Variants in SRP54 observed in about 807,000 individuals in gnomAD.
SRP54 encodes signal recognition particle subunit SRP54.
SRP54 carries 10 observed loss-of-function variants against 64.8 expected under a neutral mutation model. The observed-to-expected ratio is 0.15, with a 90% CI of 0.10 to 0.26. The LOEUF (loss-of-function observed/expected upper bound fraction) is 0.26, where lower values mean the gene tolerates loss of function less well. Among genes scored for constraint, SRP54 ranks in the 10% least tolerant of loss-of-function variants. The probability of loss-of-function intolerance (pLI) is 1.00; values close to 1 mark genes in which losing one functional copy is unlikely to be tolerated. For synonymous variants in SRP54, 193 were observed against 185.6 expected (o/e 1.04, Z -0.32); for missense variants, 325 against 613.7 (o/e 0.53, Z 4.97).
chr14:35,013,946 G>C (rs766397625), intron 10 of SRP54, 44 bp downstream of exon 10: 1 of 1,338,524 alleles, frequency 7.5e-7, no homozygotes, highest in Admixed American at 1.9e-5. Context: ...CAAGAAATAC[G>C]ATGTATCTTT....
intron 1 of SRP54, among the ~76,000 whole-genome samples, chr14:34,988,578 A>AAAAAAAAAATAT (rs1384552218): frequency 1.1e-4 from 5 of 47,104 alleles, no homozygotes; most frequent in Non-Finnish European, 1.4e-4. Context: ...AAAAAAAAAA[A>AAAAAAAAAATAT]ATATATATAT....
intron 4 of SRP54, 34 bp from the exon 5 acceptor site, chr14:35,007,249 C>T: frequency 6.9e-7 from 1 of 1,459,596 alleles, no homozygotes; most frequent in Admixed American, 1.9e-5. Context: ...GTATGTTAAC[C>T]TGATTTTATT....
chr14:34,994,191 GT>G (rs1312292532), intron 1 of SRP54, among the ~76,000 whole-genome samples: 1 of 151,448 alleles, frequency 6.6e-6, no homozygotes, highest in Non-Finnish European at 1.5e-5. Context: ...TAGAGATAGG[GT>G]TTTGCCATGT....
chr14:35,008,698 T>C lies in SRP54; in HGVS notation c.427+5T>C, dbSNP rs754369835. 10 of 1,606,602 alleles carry C rather than the reference T, an allele frequency of 6.2e-6. No individual in the cohort carries two copies. The highest frequency in any genetic ancestry group is 3.4e-5 in the Admixed American group (2 of 59,020). ...GTGCAGACACATTCAGAGCAGGTAA[T>C]GTCTTGAAATTTGAAAATTGTTTTA... On this transcript the variant is annotated splice_donor_5th_base_variant and intron_variant, in intron 6 of 15. Coordinates refer to ENST00000216774, the MANE Select transcript of SRP54 (RefSeq NM_003136.4).
chr14:35,010,720 G>A (rs8009646), intron 7 of SRP54, among the ~76,000 whole-genome samples: 29,307 of 151,718 alleles, frequency 0.19, 3,004 homozygotes, highest in East Asian at 0.28. Context: ...AGCCGAGATC[G>A]CACCACTGCA....
In SRP54 at chr14:34,996,708, A is replaced by G; in HGVS notation, c.-2A>G. The G allele has an allele frequency of 1.9e-6, 3 of 1,611,770 alleles. No homozygotes were observed. Among genetic ancestry groups the G allele is most frequent in the Non-Finnish European group, 2.5e-6 (3 of 1,177,926 alleles). On this transcript the variant is annotated 5_prime_UTR_variant, in exon 2 of 16. Transcript: ENST00000216774. ...TCGTAAGTACATCTTAAAGCTGTCA[A>G]GATGGTTCTAGCAGACCTTGGAAGA...
intron 2 of SRP54, among the ~76,000 whole-genome samples, chr14:34,999,309 C>T (rs540728154): frequency 1.4e-4 from 22 of 152,076 alleles, no homozygotes; most frequent in Admixed American, 9.8e-4. Flanking sequence ...GCCACCATGC[C>T]GGGCCTATAA....
chr14:35,007,173 A>G (rs975628830), intron 4 of SRP54, 110 bp from the exon 5 acceptor site: 6 of 548,416 alleles, frequency 1.1e-5, no homozygotes, highest in African/African-American at 5.8e-5. Context: ...AGCCTGGGTG[A>G]CAAGAGTGTG....
intron 4 of SRP54, among the ~76,000 whole-genome samples, chr14:35,004,236 C>T (rs924251848): frequency 2.0e-5 from 3 of 152,038 alleles, no homozygotes; most frequent in Non-Finnish European, 2.9e-5. Context: ...GCCACGAGAG[C>T]GAAACTCCAT....
intron 1 of SRP54, among the ~76,000 whole-genome samples, chr14:34,986,195 A>G (rs1382380617): frequency 6.6e-6 from 1 of 152,200 alleles, no homozygotes; most frequent in African/African-American, 2.4e-5. Context: ...TATTTTACAT[A>G]AAATGAGTTT....
intron 13 of SRP54, among the ~76,000 whole-genome samples, chr14:35,020,329 G>A (rs1595011722): frequency 6.6e-6 from 1 of 152,118 alleles, no homozygotes; most frequent in Non-Finnish European, 1.5e-5. Context: ...GGTTGCCAAA[G>A]GTCAAGGTGG....
intron 10 of SRP54, 129 bp downstream of exon 10, chr14:35,014,031 C>A: frequency 1.5e-6 from 1 of 660,786 alleles, no homozygotes. Context: ...AGTTTCCTTA[C>A]CTGTAAAATA....
intron 2 of SRP54, among the ~76,000 whole-genome samples, chr14:34,998,744 C>T (rs983515590): frequency 1.8e-4 from 27 of 150,166 alleles, no homozygotes; most frequent in Admixed American, 1.3e-3. Flanking sequence ...ATCTGGGAGG[C>T]GGAGGTTGCA....
chr14:35,010,410 C>T (rs996610918), intron 7 of SRP54, among the ~76,000 whole-genome samples: 3 of 152,020 alleles, frequency 2.0e-5, no homozygotes, highest in African/African-American at 7.2e-5. Flanking sequence ...GGCATCATTG[C>T]ACTCCACCAT....
chr14:34,994,932 C>CTTTTTTT (rs59058538), intron 1 of SRP54, among the ~76,000 whole-genome samples: 41 of 84,476 alleles, frequency 4.9e-4, no homozygotes, highest in African/African-American at 1.8e-3. Context: ...TGCCTGGCTA[C>CTTTTTTT]TTTTTTTTTT....
In SRP54 at chr14:34,983,772, A is replaced by G. The variant is rs191275947; in HGVS notation, c.-34+557A>G. 2.4e-3 allele frequency among the ~76,000 whole-genome samples: 361 copies of G among 152,346 alleles called. 2 individuals are homozygous for G. The highest frequency in any genetic ancestry group is 8.4e-3 in the African/African-American group (348 of 41,578). On this transcript the variant is annotated intron_variant, in intron 1 of 15. Coordinates refer to ENST00000216774, the MANE Select transcript of SRP54 (RefSeq NM_003136.4). ...TCACATGCTTAATTTAACAAAATAT[A>G]TACTTGTTCTTGGCTACAAGGATAC...
chr14:35,008,506 A>G (rs950822560), intron 5 of SRP54, 121 bp from the exon 6 acceptor site: 3 of 569,786 alleles, frequency 5.3e-6, no homozygotes, highest in Non-Finnish European at 8.1e-6. Context: ...TAATATTTTC[A>G]GGAGAATTAT....
At chr14:35,007,472 G>A (rs571395107) in intron 5 of SRP54, 85 bp downstream of exon 5, 3 of 553,874 alleles carry the variant, frequency 5.4e-6, no homozygotes, top group South Asian at 9.9e-5. Context: ...AAAATGTAAA[G>A]CCTGGCTTTA....
chr14:35,009,088 A>G (rs2044313798), intron 7 of SRP54, among the ~76,000 whole-genome samples: 1 of 151,876 alleles, frequency 6.6e-6, no homozygotes, highest in African/African-American at 2.4e-5. Context: ...GGGTTTTACC[A>G]TGTTGGCCAG....
Sources: allele counts gnomAD v4.1 joint callset (sites outside exome capture counted in the v4.1 genomes callset), GRCh38; gene constraint gnomAD v4.1.1; transcripts MANE v1.5; gene names NCBI Gene and HGNC (gene_info 2026-07-23, HGNC 2026-07-21).